The following SLC38A8 variants were observed in gnomAD, a reference collection of about 807,000 sequenced individuals.
SLC38A8 encodes amino acid transporter SLC38A8.
A neutral mutation model predicts 46.0 loss-of-function variants in SLC38A8; 65 were observed. The observed-to-expected ratio is 1.41, with a 90% CI of 1.16 to 1.74. The LOEUF is 1.74. Among genes scored for constraint, SLC38A8 ranks in the 40% most tolerant of loss-of-function variants. The probability of loss-of-function intolerance (pLI) is 0.00; values close to 1 mark genes in which losing one functional copy is unlikely to be tolerated. For synonymous variants in SLC38A8, 447 were observed against 243.7 expected, an observed-to-expected ratio of 1.83 and a Z score of -7.77; for missense variants, 998 against 567.9, an observed-to-expected ratio of 1.76 and a Z score of -7.70.
chr16:84,035,172 T>C (rs112011294), intron 3 of SLC38A8, among the ~76,000 whole-genome samples: 3 of 152,224 alleles, frequency 2.0e-5, no homozygotes, highest in Non-Finnish European at 4.4e-5. Flanking sequence ...AGAATCCTTC[T>C]TAACACAGCA....
chr16:84,042,007 T>C lies in SLC38A8; in HGVS notation c.151A>G (p.Lys51Glu), dbSNP rs1295094485. The change falls in exon 2 of 11, where the codon AAA (lysine) becomes GAA (glutamate). Residue 51 changes from lysine to glutamate, a missense_variant. Physicochemically the swap from Lys to Glu is moderately conservative, Grantham distance 56. Transcript: ENST00000299709. The stretch of plus-strand genomic sequence containing the variant: ...AAGGCAGGGACCACTCCGCCCGCTT[T>C]GGAGAAGGCCCAGGGGAAGTTGAGC... ...GLLNFPWAFSKAGGVVPAFLV... is the reference protein window; with the variant it reads ...GLLNFPWAFSEAGGVVPAFLV... The C allele has an allele frequency of 6.2e-7, 1 of 1,611,580 alleles. No homozygotes were observed.
intron 5 of SLC38A8, among the ~76,000 whole-genome samples, chr16:84,031,059 G>A (rs1301401119): frequency 6.6e-6 from 1 of 151,900 alleles, no homozygotes; most frequent in Non-Finnish European, 1.5e-5. Flanking sequence ...TTTCTTTTTT[G>A]AGACAGAGTC....
intron 2 of SLC38A8, 41 bp from the exon 3 acceptor site, chr16:84,036,941 C>G: frequency 2.6e-6 from 4 of 1,548,246 alleles, no homozygotes; most frequent in Non-Finnish European, 3.5e-6. Context: ...GGTGTGCCCA[C>G]AGCCCACCCA....
chr16:84,032,295 T>G (rs1322098938), intron 4 of SLC38A8, among the ~76,000 whole-genome samples: 1 of 152,154 alleles, frequency 6.6e-6, no homozygotes, highest in Non-Finnish European at 1.5e-5. Context: ...TTCAAGCAAT[T>G]CTCCTGCCTC....
intron 7 of SLC38A8, among the ~76,000 whole-genome samples, chr16:84,021,730 A>G (rs992341015): frequency 2.6e-5 from 4 of 152,248 alleles, no homozygotes; most frequent in African/African-American, 9.6e-5. Flanking sequence ...TTTCTGTCTT[A>G]GTCCATTTTT....
chr16:84,027,274 C>T (rs968401714), intron 6 of SLC38A8, among the ~76,000 whole-genome samples: 2 of 152,292 alleles, frequency 1.3e-5, no homozygotes, highest in African/African-American at 4.8e-5. Flanking sequence ...CGCTTGAACC[C>T]AGGAGGCGGA....
At chr16:84,040,221 G>A (rs2085352742) in intron 2 of SLC38A8, among the ~76,000 whole-genome samples, 1 of 152,132 alleles carries the variant, frequency 6.6e-6, no homozygotes, top group African/African-American at 2.4e-5. Context: ...CATCTCCCCG[G>A]TAGCCCTGGA....
Position 84,017,191 on chromosome 16 carries a change from A to G in SLC38A8, c.902T>C (p.Leu301Pro), listed in dbSNP as rs2085040171. Residue 301 changes from leucine to proline, a missense_variant, in exon 8 of 11, where the codon CTT becomes CCT. Leu to Pro is a moderately conservative substitution (Grantham distance 98). Transcript: ENST00000299709. ...NDMVIIVARV[L>P]FAVSIVTVYP... ...GACAGTTACGATGGAGACAGCAAAA[A>G]GGACCCGGGCCACAATGATGACCAT... The G allele has an allele frequency of 6.2e-7, 1 of 1,614,138 alleles. No homozygotes were observed. The highest frequency in any genetic ancestry group is 8.5e-7 in the Non-Finnish European group (1 of 1,180,014).
In SLC38A8 at chr16:84,041,979, A is replaced by G. The variant is rs779702442; in HGVS notation, c.179T>C (p.Leu60Pro). ...TTCCCGGGGACTTACCAGCTCCACC[A>G]GGAAGGCAGGGACCACTCCGCCCGC... ...SKAGGVVPAFLVELVSLVFLI... is the reference protein window; with the variant it reads ...SKAGGVVPAFPVELVSLVFLI... Residue 60 changes from leucine (L) to proline (P), a missense_variant, in exon 2 of 11, where the codon CTG (leucine) becomes CCG (proline). By Grantham distance (98) the Leu-to-Pro change is moderately conservative (BLOSUM62 -3). Coordinates refer to ENST00000299709, the MANE Select transcript of SLC38A8 (RefSeq NM_001080442.3). The G allele has an allele frequency of 9.4e-6, 15 of 1,592,252 alleles. No homozygotes were observed. The highest frequency in any genetic ancestry group is 1.2e-5 in the Non-Finnish European group (14 of 1,168,036).
intron 2 of SLC38A8, among the ~76,000 whole-genome samples, chr16:84,039,171 C>T (rs1345037471): frequency 6.6e-6 from 1 of 152,118 alleles, no homozygotes; most frequent in Non-Finnish European, 1.5e-5. Context: ...CTCGAAGAGC[C>T]TTTGGAGGGA....
intron 6 of SLC38A8, among the ~76,000 whole-genome samples, chr16:84,028,289 T>C (rs761977853): frequency 2.0e-5 from 3 of 151,842 alleles, no homozygotes; most frequent in Non-Finnish European, 2.9e-5. Context: ...TTCCCGAAAA[T>C]AAGCAGCGTG....
chr16:84,029,544 A>C lies in SLC38A8; in HGVS notation c.640T>G (p.Ser214Ala), dbSNP rs1239910077. 6.2e-7 allele frequency: 1 copy of C among 1,614,144 alleles called. No individual in the cohort carries two copies. Among genetic ancestry groups the C allele is most frequent in the East Asian group, 2.2e-5 (1 of 44,878 alleles). Residue 214 changes from serine to alanine, a missense_variant, in exon 6 of 11, where the codon TCC becomes GCC. Physicochemically the swap from Ser to Ala is moderately conservative, Grantham distance 99 (BLOSUM62 1). Transcript: ENST00000299709. Reference protein sequence around the residue: ...RESHPSLSPASWTSVFSVFPT... With the variant: ...RESHPSLSPAAWTSVFSVFPT... ...AAGACACTGAACACAGAGGTCCAGG[A>C]GGCAGGGCTGTAAACAGACAAGAAC...
intron 6 of SLC38A8, among the ~76,000 whole-genome samples, chr16:84,026,532 T>C (rs1003830030): frequency 1.3e-5 from 2 of 152,114 alleles, no homozygotes; most frequent in African/African-American, 2.4e-5. Context: ...CAGCCTCTAC[T>C]GGTTTTATAA....
At chr16:84,035,532 G>A (rs1448555277) in intron 3 of SLC38A8, among the ~76,000 whole-genome samples, 2 of 152,266 alleles carry the variant, frequency 1.3e-5, no homozygotes, top group East Asian at 3.9e-4. Flanking sequence ...ACCATATGCT[G>A]CCTACAAGAA....
intron 4 of SLC38A8, 96 bp from the exon 5 acceptor site, chr16:84,032,064 G>T: frequency 9.4e-7 from 1 of 1,067,238 alleles, no homozygotes; most frequent in Non-Finnish European, 1.4e-6. Flanking sequence ...CTCCGCCCTT[G>T]ACAATGAGGT....
At chr16:84,025,307 A>C (rs913260301) in intron 6 of SLC38A8, among the ~76,000 whole-genome samples, 3 of 152,124 alleles carry the variant, frequency 2.0e-5, no homozygotes, top group Non-Finnish European at 4.4e-5. Flanking sequence ...CTACGCAGGA[A>C]GCTCAGATCA....
chr16:84,010,894 G>T (rs535334848), intron 10 of SLC38A8, among the ~76,000 whole-genome samples: 74 of 152,276 alleles, frequency 4.9e-4, no homozygotes, highest in African/African-American at 1.7e-3. Flanking sequence ...AGGGGTAGGG[G>T]ACGAGGACGC....
At chr16:84,039,751 A>C (rs1164409331) in intron 2 of SLC38A8, among the ~76,000 whole-genome samples, 83 of 115,328 alleles carry the variant, frequency 7.2e-4, no homozygotes, top group African/African-American at 2.7e-3. Context: ...TTCAAAAAAA[A>C]AAAAAAAAAA....
intron 10 of SLC38A8, among the ~76,000 whole-genome samples, chr16:84,010,777 A>C (rs758373219): frequency 3.3e-5 from 5 of 152,102 alleles, no homozygotes; most frequent in Non-Finnish European, 7.4e-5. Context: ...GAAGGGAGAC[A>C]CTACTTTGAA....
Sources: gnomAD v4.1 joint callset for allele counts (sites outside exome capture counted in the v4.1 genomes callset) on GRCh38, gnomAD v4.1.1 for gene constraint, MANE v1.5 for transcripts, NCBI Gene and HGNC (gene_info 2026-07-23, HGNC 2026-07-21) for gene names.